RYR2: variants seen among roughly 807,000 people sequenced by gnomAD.
RYR2 encodes ryanodine receptor 2, also known as cardiac muscle ryanodine receptor-calcium release channel.
A neutral mutation model predicts 601.1 loss-of-function variants in RYR2; 227 were observed. That is an observed-to-expected ratio of 0.38 (90% CI 0.34 to 0.42). The LOEUF is 0.42. RYR2 is among the 10% of genes least tolerant of loss of function. The pLI is 1.00. For missense variants in RYR2, 4,646 were observed against 6,156.5 expected, an observed-to-expected ratio of 0.75 and a Z score of 8.21; for synonymous variants, 2,223 against 2,175.1, an observed-to-expected ratio of 1.02 and a Z score of -0.61.
intron 1 of RYR2, among the ~76,000 whole-genome samples, chr1:237,183,126 T>C (rs1253436961): frequency 6.6e-6 from 1 of 152,196 alleles, no homozygotes; most frequent in Non-Finnish European, 1.5e-5. Flanking sequence ...TGTTAGGGGC[T>C]TGCAGATTGG....
At chr1:237,573,556 A>T (rs1672922211) in intron 29 of RYR2, among the ~76,000 whole-genome samples, 1 of 148,798 alleles carries the variant, frequency 6.7e-6, no homozygotes, top group Non-Finnish European at 1.5e-5. Flanking sequence ...TACTGCTAGG[A>T]ACAACCCTAT....
rs368346629 is a variant in RYR2 at position 237,711,931 on chromosome 1, CTG to C, written c.10323+95_10323+96del. The C allele has an allele frequency of 4.3e-4, 294 of 680,592 alleles. 1 individual carries two copies. Among genetic ancestry groups the C allele is most frequent in the African/African-American group, 3.0e-3 (163 of 54,948 alleles). The allele number at this position is 680,592 out of a possible 1,614,324, so 42.2% of individuals were successfully genotyped here. The stretch of plus-strand genomic sequence containing the variant: ...TTTTTAGATTTTCGAAGATTTGTAA[CTG>C]GAATCTGACAGATTTGGTAATGTTA... On this transcript the variant is annotated intron_variant, in intron 71 of 104. Coordinates refer to ENST00000366574, the MANE Select transcript of RYR2 (RefSeq NM_001035.3).
chr1:237,085,751 C>G (rs1344885372), intron 1 of RYR2, among the ~76,000 whole-genome samples: 4 of 152,072 alleles, frequency 2.6e-5, no homozygotes, highest in Non-Finnish European at 4.4e-5. Flanking sequence ...GAGGCACCTG[C>G]TTCTGACTTT....
At chr1:237,389,178 G>A (rs1371334748) in intron 10 of RYR2, among the ~76,000 whole-genome samples, 1 of 152,044 alleles carries the variant, frequency 6.6e-6, no homozygotes, top group Admixed American at 6.5e-5. Flanking sequence ...GTGTCAGTAG[G>A]GTTTGTATAA....
rs794728838 is a variant in RYR2, at chr1:237,784,376, GAGA to G, written c.12667_12669del (p.Lys4223del). The stretch of plus-strand genomic sequence containing the variant: ...GAGGTCAGCGAATAAGGAAGAAAGC[GAGA>G]AGGAGAGGCCGGAAGAGCAGGGGCC... On this transcript the variant is annotated inframe_deletion, in exon 90 of 105. Transcript: ENST00000366574. The surrounding 1 kb of genome is among the most constrained non-coding windows in gnomAD (Gnocchi z 7.1). The G allele has an allele frequency of 1.1e-4, 180 of 1,613,866 alleles. No individual in the cohort carries two copies. Among genetic ancestry groups the G allele is most frequent in the Non-Finnish European group, 1.4e-4 (162 of 1,179,896 alleles).
chr1:237,310,104 T>C (rs1572557686), intron 2 of RYR2, among the ~76,000 whole-genome samples: 1 of 152,072 alleles, frequency 6.6e-6, no homozygotes, highest in African/African-American at 2.4e-5. Context: ...ATGGCCAGAG[T>C]GGGTGCCGAG....
chr1:237,180,660 A>G lies in RYR2; in HGVS notation c.49-89837A>G, dbSNP rs1191998601. 7.5e-6 allele frequency among the ~76,000 whole-genome samples: 1 copy of G among 132,466 alleles called. No homozygotes were observed. Among genetic ancestry groups the G allele is most frequent in the East Asian group, 2.3e-4 (1 of 4,428 alleles). The allele number at this position is 132,466 out of a possible 152,430, so 86.9% of individuals were successfully genotyped here. ...TATATGTATATGTATATGTGTATATATGTATACATGTGTATATATGTGTAT... is the reference window on the plus strand; with the variant it reads ...TATATGTATATGTATATGTGTATATGTGTATACATGTGTATATATGTGTAT... On this transcript the variant is annotated intron_variant, in intron 1 of 104. Coordinates refer to ENST00000366574, the MANE Select transcript of RYR2 (RefSeq NM_001035.3). This position sits in a 1 kb window ranked among gnomAD's most constrained non-coding sequence, Gnocchi z 5.3.
Position 237,042,494 on chromosome 1 carries a change from G to A in RYR2, c.-28G>A. The A allele has an allele frequency of 8.0e-7, 1 of 1,246,320 alleles. No homozygotes were observed. Among genetic ancestry groups the A allele is most frequent in the Non-Finnish European group, 1.0e-6 (1 of 986,912 alleles). 77.2% of individuals were successfully genotyped at this position (1,246,320 alleles called of 1,614,324 possible). On this transcript the variant is annotated 5_prime_UTR_variant, in exon 1 of 105. Transcript: ENST00000366574. ...CCGCCGAGCTCCGCGGGGCTCGGGA[G>A]CCGGCCCCGGCGAGGAGGCGCGGAA...
At chr1:237,578,672 GGAGATTTGTT>G (rs1673539594) in intron 29 of RYR2, among the ~76,000 whole-genome samples, 1 of 151,358 alleles carries the variant, frequency 6.6e-6, no homozygotes, top group African/African-American at 2.4e-5. Flanking sequence ...GGGTAATTTT[GGAGATTTGTT>G]AAGGTCTCTC....
intron 10 of RYR2, among the ~76,000 whole-genome samples, chr1:237,411,066 A>T (rs773329648): frequency 2.7e-4 from 41 of 152,136 alleles, no homozygotes; most frequent in Non-Finnish European, 1.3e-4. Context: ...AGAAAGACAA[A>T]TACTGCATGA....
intron 27 of RYR2, among the ~76,000 whole-genome samples, chr1:237,561,001 G>A (rs866666662): frequency 2.0e-4 from 31 of 152,142 alleles, no homozygotes; most frequent in South Asian, 6.2e-4. Flanking sequence ...ACAGTAATTG[G>A]GGTTAAGAGA....
chr1:237,688,902 C>G (rs914133642), intron 63 of RYR2, among the ~76,000 whole-genome samples: 5 of 152,122 alleles, frequency 3.3e-5, no homozygotes, highest in African/African-American at 1.2e-4. Context: ...TCCTTCTTTT[C>G]CTGTTATACC....
At chr1:237,268,331 C>A (rs1655746395) in intron 1 of RYR2, among the ~76,000 whole-genome samples, 1 of 152,130 alleles carries the variant, frequency 6.6e-6, no homozygotes, top group Non-Finnish European at 1.5e-5. Flanking sequence ...CACACCAGCA[C>A]AATTTTTGGT....
chr1:237,743,511 T>C (rs1012134754), intron 80 of RYR2: 12 of 493,888 alleles, frequency 2.4e-5, no homozygotes, highest in Admixed American at 1.0e-4. Flanking sequence ...ATATTGTTTT[T>C]CTGAAGTGCA....
At chr1:237,187,719 A>C (rs1281716165) in intron 1 of RYR2, among the ~76,000 whole-genome samples, 1 of 152,074 alleles carries the variant, frequency 6.6e-6, no homozygotes, top group African/African-American at 2.4e-5. Context: ...TGTTGGTATT[A>C]CAGGCATGAG....
chr1:237,062,575 A>G (rs1663018977), intron 1 of RYR2, among the ~76,000 whole-genome samples: 1 of 152,152 alleles, frequency 6.6e-6, no homozygotes, highest in South Asian at 2.1e-4. Flanking sequence ...CCTTGTATCT[A>G]GTAACCTTGC....
intron 1 of RYR2, among the ~76,000 whole-genome samples, chr1:237,043,923 A>G (rs554919306): frequency 6.6e-6 from 1 of 152,370 alleles, no homozygotes; most frequent in South Asian, 2.1e-4. Context: ...GGAACGTTGT[A>G]AACGACTGTC....
chr1:237,420,866 G>C (rs559756200), intron 11 of RYR2, among the ~76,000 whole-genome samples: 3 of 151,682 alleles, frequency 2.0e-5, no homozygotes, highest in Admixed American at 2.0e-4. Context: ...ATATTTCATT[G>C]TTTTTCCAAA....
At chr1:237,809,059 A>G (rs373599877) in intron 100 of RYR2, 24 bp downstream of exon 100, 1 of 1,597,274 alleles carries the variant, frequency 6.3e-7, no homozygotes, top group Non-Finnish European at 8.6e-7. Flanking sequence ...CTTTGATCTC[A>G]CATAAACAAA....
Sources: allele counts gnomAD v4.1 joint callset (sites outside exome capture counted in the v4.1 genomes callset), GRCh38; gene constraint gnomAD v4.1.1; non-coding constraint Gnocchi (gnomAD v3.1); transcripts MANE v1.5; gene names NCBI Gene and HGNC (gene_info 2026-07-23, HGNC 2026-07-21).